UST: variants seen among roughly 807,000 people sequenced by gnomAD.
UST encodes the protein uronyl 2-sulfotransferase.
Under a neutral mutation model 45.6 loss-of-function variants are expected in UST, and 21 were observed. The observed-to-expected ratio is 0.46, with a 90% CI of 0.33 to 0.66. The LOEUF is 0.66. Among genes scored for constraint, UST ranks in the 30% least tolerant of loss-of-function variants. The pLI, the probability that UST is intolerant of heterozygous loss-of-function variation, is 0.02. For synonymous variants in UST, 215 were observed against 200.6 expected, an observed-to-expected ratio of 1.07 and a Z score of -0.61; for missense variants, 463 against 512.4, an observed-to-expected ratio of 0.90 and a Z score of 0.93.
At chr6:148,786,908 T>A (rs551003358) in intron 1 of UST, among the ~76,000 whole-genome samples, 1 of 152,362 alleles carries the variant, frequency 6.6e-6, no homozygotes, top group African/African-American at 2.4e-5. Context: ...ATTGCCATTC[T>A]GACTGGTGTG....
At chr6:148,789,375 A>G (rs934077951) in intron 1 of UST, among the ~76,000 whole-genome samples, 1 of 151,820 alleles carries the variant, frequency 6.6e-6, no homozygotes, top group Non-Finnish European at 1.5e-5. Context: ...CAATGGAAGC[A>G]TCTATATGAA....
intron 1 of UST, among the ~76,000 whole-genome samples, chr6:148,885,224 T>C (rs1188045935): frequency 6.6e-6 from 1 of 152,206 alleles, no homozygotes; most frequent in African/African-American, 2.4e-5. Context: ...ATCCTTGAGA[T>C]TGATTCCTGG....
At chr6:148,906,998 C>T (rs1211623163) in intron 2 of UST, among the ~76,000 whole-genome samples, 1 of 152,080 alleles carries the variant, frequency 6.6e-6, no homozygotes, top group African/African-American at 2.4e-5. Context: ...CTGATGTTGC[C>T]ATTTCAAGTT....
chr6:148,964,649 A>G lies in UST; in HGVS notation c.681+86A>G. 4 of 1,545,876 alleles carry G rather than the reference A, an allele frequency of 2.6e-6. No homozygotes were observed. The Admixed American group carries it at 5.4e-5, about 21-fold the overall frequency. ...AGGGAAGGTTCACTCTTCCCTTCCC[A>G]GGCCTTCTCCTTGGCGCCTCCATGG... On this transcript the variant is annotated intron_variant, in intron 5 of 7. Transcript: ENST00000367463.
intron 1 of UST, among the ~76,000 whole-genome samples, chr6:148,878,710 T>TCATGTATGAGTTCAGGAGA (rs1778768247): frequency 7.0e-6 from 1 of 142,884 alleles, no homozygotes; most frequent in Admixed American, 7.0e-5. Context: ...AGTGCGGAGG[T>TCATGTATGAGTTCAGGAGA]CGTGTATGAG....
At chr6:148,836,002 G>A (rs1294543299) in intron 1 of UST, among the ~76,000 whole-genome samples, 1 of 152,090 alleles carries the variant, frequency 6.6e-6, no homozygotes, top group Non-Finnish European at 1.5e-5. Flanking sequence ...ACTGAAATGA[G>A]CAGTGCTGAT....
At chr6:148,984,518 A>G (rs1781203332) in intron 5 of UST, among the ~76,000 whole-genome samples, 1 of 152,192 alleles carries the variant, frequency 6.6e-6, no homozygotes, top group Non-Finnish European at 1.5e-5. Context: ...TAGGATTTGC[A>G]TTTATTTATT....
intron 2 of UST, among the ~76,000 whole-genome samples, chr6:148,911,289 C>T (rs1249287691): frequency 6.6e-6 from 1 of 152,218 alleles, no homozygotes; most frequent in Non-Finnish European, 1.5e-5. Context: ...TCAGAGCTCA[C>T]ACCCTGGGAG....
intron 7 of UST, among the ~76,000 whole-genome samples, chr6:149,053,266 G>A (rs1242588337): frequency 6.6e-6 from 1 of 152,242 alleles, no homozygotes; most frequent in East Asian, 1.9e-4. Context: ...CCAGAAATAA[G>A]TACGGTTACC....
intron 2 of UST, among the ~76,000 whole-genome samples, chr6:148,903,062 C>T (rs9322156): frequency 0.86 from 131,293 of 152,120 alleles, 57,953 homozygotes; most frequent in Non-Finnish European, 0.96. Flanking sequence ...TGTTGTAATA[C>T]TGAAAAATTA....
intron 2 of UST, among the ~76,000 whole-genome samples, chr6:148,922,288 A>T (rs184632361): frequency 9.9e-4 from 151 of 151,930 alleles, no homozygotes; most frequent in African/African-American, 3.6e-3. Context: ...CCACTAGCAT[A>T]CTGCCTGTCT....
At chr6:148,902,963 A>C (rs915953737) in intron 2 of UST, among the ~76,000 whole-genome samples, 1 of 151,990 alleles carries the variant, frequency 6.6e-6, no homozygotes, top group South Asian at 2.1e-4. Context: ...GGGTCTTTAC[A>C]TTTCACACTA....
rs1355273029 is a variant in UST at position 148,783,955 on chromosome 6, C to T, written c.247+36278C>T. 2.0e-5 allele frequency among the ~76,000 whole-genome samples: 3 copies of T among 152,162 alleles called. No individual in the cohort carries two copies. The East Asian group carries it at 5.8e-4, about 29-fold the overall frequency. On this transcript the variant is annotated intron_variant, in intron 1 of 7. Coordinates refer to ENST00000367463, the MANE Select transcript of UST (RefSeq NM_005715.3). ...ATATCTTCAAAGTCACACAACCCGG[C>T]CTAGAAATAGGCTGCTGCTGATCAA...
chr6:148,878,568 TA>T (rs1248012671), intron 1 of UST, among the ~76,000 whole-genome samples: 84 of 29,314 alleles, frequency 2.9e-3, no homozygotes, highest in Middle Eastern at 0.033. Context: ...CGTGTATGAG[TA>T]GGGGGGTCGT....
intron 1 of UST, among the ~76,000 whole-genome samples, chr6:148,818,362 A>G (rs115310438): frequency 0.013 from 1,945 of 152,274 alleles, 42 homozygotes; most frequent in African/African-American, 0.044. Flanking sequence ...TTCTAATATC[A>G]CTTTTCATTG....
chr6:148,999,285 T>C (rs546667086), intron 5 of UST, among the ~76,000 whole-genome samples: 1 of 152,330 alleles, frequency 6.6e-6, no homozygotes, highest in South Asian at 2.1e-4. Flanking sequence ...TCCATGGTGA[T>C]TTGCTAGGCA....
At chr6:148,920,989 CCT>C (rs1779694908) in intron 2 of UST, among the ~76,000 whole-genome samples, 1 of 152,204 alleles carries the variant, frequency 6.6e-6, no homozygotes, top group Non-Finnish European at 1.5e-5. Flanking sequence ...TATAAGCTCT[CCT>C]CATTAGGCAT....
intron 1 of UST, among the ~76,000 whole-genome samples, chr6:148,848,062 T>C (rs1778032268): frequency 6.6e-6 from 1 of 152,240 alleles, no homozygotes; most frequent in Non-Finnish European, 1.5e-5. Context: ...TGATTGGCCC[T>C]GACCAGACAC....
intron 7 of UST, among the ~76,000 whole-genome samples, chr6:149,046,305 A>C (rs1776395182): frequency 6.6e-6 from 1 of 152,228 alleles, no homozygotes; most frequent in South Asian, 2.1e-4. Flanking sequence ...GTTGGTCCCA[A>C]AACCAGTCTA....
Sources: gnomAD v4.1 joint callset for allele counts (sites outside exome capture counted in the v4.1 genomes callset) on GRCh38, gnomAD v4.1.1 for gene constraint, MANE v1.5 for transcripts, NCBI Gene and HGNC (gene_info 2026-07-23, HGNC 2026-07-21) for gene names.